Variants in GPR19 observed in about 807,000 individuals in gnomAD.
GPR19 encodes G protein-coupled receptor 19, also known as probable G protein-coupled receptor 19.
GPR19 carries 14 observed loss-of-function variants against 28.5 expected under a neutral mutation model. That is an observed-to-expected ratio of 0.49 (90% CI 0.32 to 0.77). GPR19 has a LOEUF of 0.77. Among genes scored for constraint, GPR19 ranks in the 30% least tolerant of loss-of-function variants. The pLI is 0.03. For synonymous variants in GPR19, 173 were observed against 184.1 expected (o/e 0.94, Z 0.49); for missense variants, 409 against 504.1 (o/e 0.81, Z 1.81).
At chr12:12,688,313 C>T (rs1261135534) in intron 2 of GPR19, among the ~76,000 whole-genome samples, 2 of 151,438 alleles carry the variant, frequency 1.3e-5, no homozygotes, top group Non-Finnish European at 2.9e-5. Flanking sequence ...AATGTTTAAC[C>T]CGAATATAAT....
intron 2 of GPR19, among the ~76,000 whole-genome samples, chr12:12,694,216 T>TTTTTTTTTTTTG (rs1472721169): frequency 1.3e-5 from 1 of 79,090 alleles, no homozygotes; most frequent in Non-Finnish European, 2.8e-5. Context: ...TTTTTTTTTT[T>TTTTTTTTTTTTG]GAGACGGAGT....
chr12:12,676,068 A>G (rs1275947180), intron 3 of GPR19, among the ~76,000 whole-genome samples: 1 of 152,186 alleles, frequency 6.6e-6, no homozygotes, highest in Non-Finnish European at 1.5e-5. Context: ...CAGTCATTCT[A>G]TCACCTTCTA....
chr12:12,662,541 G>A (rs1313717539), intron 3 of GPR19, 71 bp from the exon 4 acceptor site: 2 of 1,128,796 alleles, frequency 1.8e-6, no homozygotes, highest in African/African-American at 1.5e-5. Flanking sequence ...GATTACTCAG[G>A]CTAACGATCT....
chr12:12,664,777 G>A (rs567359339), intron 3 of GPR19, among the ~76,000 whole-genome samples: 1 of 151,904 alleles, frequency 6.6e-6, no homozygotes, highest in South Asian at 2.1e-4. Flanking sequence ...AAGATTAGCC[G>A]GGCGTGGTGG....
At chr12:12,694,185 T>C (rs1301597947) in intron 2 of GPR19, among the ~76,000 whole-genome samples, 1 of 132,512 alleles carries the variant, frequency 7.5e-6, no homozygotes, top group Non-Finnish European at 1.6e-5. Flanking sequence ...GTAGAGTACC[T>C]GTCTTTTTTT....
chr12:12,703,652 A>C, the GPR19 span, among the ~76,000 whole-genome samples: 1 of 151,866 alleles, frequency 6.6e-6, no homozygotes, highest in Non-Finnish European at 1.5e-5. Context: ...GCTAATAACC[A>C]TTTTCTTTCT....
chr12:12,684,290 A>G (rs1280571120), intron 3 of GPR19, 61 bp downstream of exon 3: 1 of 152,184 alleles, frequency 6.6e-6, no homozygotes, highest in African/African-American at 2.4e-5. Context: ...GGAAAAAAAG[A>G]AGGCATTATG....
the GPR19 span, among the ~76,000 whole-genome samples, chr12:12,712,902 C>T: frequency 0.14 from 21,374 of 152,104 alleles, 1,932 homozygotes; most frequent in East Asian, 0.32. Context: ...TATTTCTTCA[C>T]TTCCCACATT....
chr12:12,666,241 T>C (rs1294608473), intron 3 of GPR19, among the ~76,000 whole-genome samples: 1 of 152,182 alleles, frequency 6.6e-6, no homozygotes, highest in East Asian at 1.9e-4. Flanking sequence ...TCTAAATTTT[T>C]CCCCTGGTTA....
At chr12:12,705,431 C>G in the GPR19 span, among the ~76,000 whole-genome samples, 2 of 152,124 alleles carry the variant, frequency 1.3e-5, no homozygotes, top group Non-Finnish European at 2.9e-5. Context: ...ATTTTCTAAG[C>G]AGAACATTTG....
At chr12:12,701,263 A>G in the GPR19 span, among the ~76,000 whole-genome samples, 1 of 152,164 alleles carries the variant, frequency 6.6e-6, no homozygotes, top group African/African-American at 2.4e-5. Context: ...ACATCTTTAT[A>G]TGTTGCTAAG....
upstream of GPR19, among the ~76,000 whole-genome samples, chr12:12,698,772 G>C (rs1318718340): frequency 6.6e-6 from 1 of 151,786 alleles, no homozygotes; most frequent in Admixed American, 6.6e-5. Flanking sequence ...CACCACGCCC[G>C]GCTAATTTTT....
chr12:12,664,120 G>T (rs1179435533), intron 3 of GPR19, among the ~76,000 whole-genome samples: 1 of 152,120 alleles, frequency 6.6e-6, no homozygotes, highest in Non-Finnish European at 1.5e-5. Flanking sequence ...CTCTCGAGTA[G>T]TTGGGACTAG....
chr12:12,702,284 A>G, the GPR19 span, among the ~76,000 whole-genome samples: 4 of 151,596 alleles, frequency 2.6e-5, no homozygotes, highest in African/African-American at 9.7e-5. Context: ...ATATTTCTAA[A>G]ATATTAATAG....
At chr12:12,692,346 T>C (rs1324258002) in intron 2 of GPR19, among the ~76,000 whole-genome samples, 2 of 152,300 alleles carry the variant, frequency 1.3e-5, no homozygotes, top group South Asian at 2.1e-4. Flanking sequence ...TGAGTGGTCA[T>C]CTTGGTCAGG....
At chr12:12,712,627 C>T in the GPR19 span, among the ~76,000 whole-genome samples, 1 of 152,164 alleles carries the variant, frequency 6.6e-6, no homozygotes, top group African/African-American at 2.4e-5. Context: ...TTTCTCCTTG[C>T]TTTGTACTTC....
At chr12:12,685,649 C>T (rs1056648574) in intron 2 of GPR19, among the ~76,000 whole-genome samples, 11 of 152,172 alleles carry the variant, frequency 7.2e-5, no homozygotes, top group African/African-American at 2.7e-4. Context: ...AATTGGATTG[C>T]TGTCGGTCCT....
intron 1 of GPR19, 100 bp from the exon 2 acceptor site, chr12:12,695,611 CCTGTGTTCAGGA>C (rs1266102179): frequency 6.6e-6 from 1 of 152,256 alleles, no homozygotes; most frequent in Non-Finnish European, 1.5e-5. Context: ...TCCACCTCGG[CCTGTGTTCAGGA>C]CTGTGGCTTT....
the GPR19 span, among the ~76,000 whole-genome samples, chr12:12,710,470 T>C: frequency 6.6e-6 from 1 of 152,056 alleles, no homozygotes; most frequent in Non-Finnish European, 1.5e-5. Context: ...TATGGATAGG[T>C]GTCAGAGAGC....
Sources: gnomAD v4.1 joint callset for allele counts (sites outside exome capture counted in the v4.1 genomes callset) on GRCh38, gnomAD v4.1.1 for gene constraint, MANE v1.5 for transcripts, NCBI Gene and HGNC (gene_info 2026-07-23, HGNC 2026-07-21) for gene names.